MELK: variants seen among roughly 807,000 people sequenced by gnomAD.
The protein encoded by MELK is maternal embryonic leucine zipper kinase.
A neutral mutation model predicts 85.0 loss-of-function variants in MELK; 81 were observed. The ratio of observed to expected loss-of-function variants is 0.95; its 90% CI spans 0.80 to 1.15. The LOEUF (loss-of-function observed/expected upper bound fraction) is 1.15. Ranked by LOEUF, MELK falls within the 50% of genes most tolerant of loss-of-function variation. MELK has a pLI of 0.00. For missense variants in MELK, 754 were observed against 777.5 expected (o/e 0.97, Z 0.36); for synonymous variants, 252 against 265.0 (o/e 0.95, Z 0.48).
chr9:36,642,911 A>C, intron 10 of MELK, 86 bp from the exon 11 acceptor site: 1 of 927,698 alleles, frequency 1.1e-6, no homozygotes, highest in Non-Finnish European at 1.6e-6. Context: ...TTGATTGTAT[A>C]AAGTAATTAT....
At chr9:36,662,624 C>T (rs1362950251) in intron 13 of MELK, among the ~76,000 whole-genome samples, 1 of 152,174 alleles carries the variant, frequency 6.6e-6, no homozygotes, top group Non-Finnish European at 1.5e-5. Flanking sequence ...TCCTGGATTC[C>T]ATGCTATTGA....
Position 36,674,832 on chromosome 9 carries a change from A to C in MELK, c.1675-2A>C. On this transcript the variant is annotated splice_acceptor_variant, in intron 16 of 17. Coordinates refer to ENST00000298048, the MANE Select transcript of MELK (RefSeq NM_014791.4). LOFTEE classifies it high-confidence loss of function. ...TCTCATCTCTTCTTTTTCTTTTCTT[A>C]GCTTCACTATAACGTGACTACAACT... is the stretch of plus-strand genomic sequence containing the variant. The C allele has an allele frequency of 6.5e-7, 1 of 1,527,696 alleles. No homozygotes were observed. Among genetic ancestry groups the C allele is most frequent in the Non-Finnish European group, 9.0e-7 (1 of 1,106,720 alleles). The allele number at this position is 1,527,696 out of a possible 1,614,324, so 94.6% of individuals were successfully genotyped here.
At chr9:36,625,513 C>T (rs145200017) in intron 8 of MELK, among the ~76,000 whole-genome samples, 136 of 152,244 alleles carry the variant, frequency 8.9e-4, no homozygotes, top group African/African-American at 3.1e-3. Flanking sequence ...CCCCTCCTTC[C>T]CAGGGATAGG....
intron 16 of MELK, among the ~76,000 whole-genome samples, chr9:36,674,111 T>C (rs4879999): frequency 0.9 from 137,319 of 152,152 alleles, 62,021 homozygotes; most frequent in East Asian, 0.92. Context: ...ATAGAAACTA[T>C]GGTTTTGTTT....
In MELK at chr9:36,628,089, C is replaced by T. The variant is rs967226764; in HGVS notation, c.667-2210C>T. On this transcript the variant is annotated intron_variant, in intron 8 of 17. Transcript: ENST00000298048. Reference sequence around the variant, plus strand: ...GCTAATATTTTGTATTTAGTAGAGACGGGGTTTCACCATGTTGGTCAGGCT... The same window carrying T: ...GCTAATATTTTGTATTTAGTAGAGATGGGGTTTCACCATGTTGGTCAGGCT... 4.0e-5 allele frequency among the ~76,000 whole-genome samples: 6 copies of T among 151,578 alleles called. No individual in the cohort carries two copies. The East Asian group carries it at 5.9e-4, about 15-fold the overall frequency.
At chr9:36,627,283 C>T (rs1010337522) in intron 8 of MELK, among the ~76,000 whole-genome samples, 13 of 151,994 alleles carry the variant, frequency 8.6e-5, no homozygotes, top group Non-Finnish European at 1.6e-4. Flanking sequence ...TTATGGCAGG[C>T]TGGCTTTCAA....
intron 1 of MELK, among the ~76,000 whole-genome samples, chr9:36,574,819 C>T (rs1322606429): frequency 6.6e-6 from 1 of 151,968 alleles, no homozygotes; most frequent in African/African-American, 2.4e-5. Context: ...TATCCCAATT[C>T]CTTGCTCTTC....
chr9:36,603,108 C>T (rs1056093265), intron 7 of MELK, among the ~76,000 whole-genome samples: 5 of 151,996 alleles, frequency 3.3e-5, no homozygotes, highest in Non-Finnish European at 7.4e-5. Context: ...TGGGTTTTTC[C>T]TATGTAATTT....
chr9:36,648,658 A>G (rs1485334226), intron 11 of MELK, among the ~76,000 whole-genome samples: 3 of 152,192 alleles, frequency 2.0e-5, no homozygotes, highest in Admixed American at 6.5e-5. Context: ...TTTGTATCCT[A>G]TTTGCAGTGA....
chr9:36,581,763 G>A, intron 2 of MELK, 24 bp downstream of exon 2: 1 of 1,543,774 alleles, frequency 6.5e-7, no homozygotes, highest in Non-Finnish European at 8.9e-7. Context: ...TTTTTTGGAG[G>A]CAGTGGATAG....
At chr9:36,644,260 G>A (rs1587545034) in intron 11 of MELK, among the ~76,000 whole-genome samples, 1 of 146,320 alleles carries the variant, frequency 6.8e-6, no homozygotes, top group African/African-American at 2.7e-5. Context: ...TGTTTTAAGA[G>A]ATCAAGGCAG....
intron 7 of MELK, among the ~76,000 whole-genome samples, chr9:36,603,532 A>C (rs1825142348): frequency 6.6e-6 from 1 of 151,822 alleles, no homozygotes; most frequent in South Asian, 2.1e-4. Flanking sequence ...CCTAGACTCA[A>C]GCAGTCCTCC....
At chr9:36,655,612 T>C (rs1467478689) in intron 12 of MELK, among the ~76,000 whole-genome samples, 5 of 152,174 alleles carry the variant, frequency 3.3e-5, no homozygotes, top group Non-Finnish European at 7.3e-5. Context: ...GAAATGAACA[T>C]GATTTTGAAA....
intron 7 of MELK, among the ~76,000 whole-genome samples, chr9:36,602,801 C>T (rs1327785893): frequency 1.3e-5 from 2 of 152,126 alleles, no homozygotes; most frequent in Admixed American, 6.5e-5. Context: ...CCAGGTGATC[C>T]GTCTGCCTTG....
intron 7 of MELK, chr9:36,606,672 GAC>G (rs1353565295): frequency 6.9e-6 from 1 of 145,374 alleles, no homozygotes; most frequent in Admixed American, 6.9e-5. Flanking sequence ...TGTATATATG[GAC>G]ATATATATGT....
In MELK at chr9:36,594,628, T is replaced by G; in HGVS notation, c.262T>G (p.Tyr88Asp). 1 of 1,612,450 alleles carries G rather than the reference T, an allele frequency of 6.2e-7. No individual in the cohort carries two copies. ...TANKIFMVLE[Y>D]CPGGELFDYI... is the part of the protein sequence containing the mutation. ...ATCTGTGATTCCATTGCTGTTGAAG[T>G]ACTGCCCTGGAGGAGAGCTGTTTGA... The change falls in exon 5 of 18, where the codon TAC becomes GAC. Residue 88 changes from tyrosine to aspartate, a missense_variant and splice_region_variant. Tyr to Asp is a radical substitution (Grantham distance 160). Coordinates refer to ENST00000298048, the MANE Select transcript of MELK (RefSeq NM_014791.4).
intron 8 of MELK, among the ~76,000 whole-genome samples, chr9:36,614,478 C>G (rs1398462805): frequency 1.3e-5 from 1 of 78,148 alleles, no homozygotes; most frequent in South Asian, 4.2e-4. Flanking sequence ...TTGGGTGTTT[C>G]TCACAGAGGG....
intron 8 of MELK, among the ~76,000 whole-genome samples, chr9:36,624,079 A>T (rs1472366784): frequency 1.4e-5 from 2 of 147,526 alleles, no homozygotes; most frequent in Non-Finnish European, 1.5e-5. Context: ...TCGTTATTAT[A>T]CTTCTTTTTT....
At chr9:36,658,755 G>A (rs1005430952) in intron 13 of MELK, among the ~76,000 whole-genome samples, 6 of 151,848 alleles carry the variant, frequency 4.0e-5, no homozygotes, top group Admixed American at 2.0e-4. Context: ...AGGCTGGAGC[G>A]CATTGTTGGG....
Sources: gnomAD v4.1 joint callset for allele counts (sites outside exome capture counted in the v4.1 genomes callset) on GRCh38, gnomAD v4.1.1 for gene constraint, MANE v1.5 for transcripts, NCBI Gene and HGNC (gene_info 2026-07-23, HGNC 2026-07-21) for gene names.